IGSF21: variants seen among roughly 807,000 people sequenced by gnomAD.
IGSF21 encodes the protein immunoglobin superfamily member 21, also known as immunoglobulin superfamily member 21.
IGSF21 carries 28 observed loss-of-function variants against 46.8 expected under a neutral mutation model. That is an observed-to-expected ratio of 0.60 (90% CI 0.44 to 0.82). IGSF21 has a LOEUF of 0.82. Among genes scored for constraint, IGSF21 ranks in the 40% least tolerant of loss-of-function variants. IGSF21 has a pLI of 0.00. For missense variants in IGSF21, 624 were observed against 665.5 expected (o/e 0.94, Z 0.69); for synonymous variants, 284 against 273.6 (o/e 1.04, Z -0.38).
chr1:18,194,354 A>T (rs1175114582), intron 1 of IGSF21, among the ~76,000 whole-genome samples: 1 of 152,206 alleles, frequency 6.6e-6, no homozygotes, highest in African/African-American at 2.4e-5. Flanking sequence ...GGGTGCTATG[A>T]CAAATGATCA....
In IGSF21 at chr1:18,343,926, G is replaced by A. The variant is rs190079737; in HGVS notation, c.424+8916G>A. On this transcript the variant is annotated intron_variant, in intron 4 of 9. Coordinates refer to ENST00000251296, the MANE Select transcript of IGSF21 (RefSeq NM_032880.5). ...AGGAAGCTCTCCTGTTCAGTTTCTC[G>A]ACCTTTCCCCTTAAAAGAAACTTAC... is the stretch of plus-strand genomic sequence containing the variant. Among the ~76,000 whole-genome samples, 38 of 152,184 alleles carry A rather than the reference G, an allele frequency of 2.5e-4. 1 individual carries two copies. The highest frequency in any genetic ancestry group is 2.6e-4 in the African/African-American group (11 of 41,512).
intron 1 of IGSF21, among the ~76,000 whole-genome samples, chr1:18,125,983 C>A (rs1001825368): frequency 3.9e-5 from 6 of 152,114 alleles, no homozygotes; most frequent in African/African-American, 1.4e-4. Context: ...TAGTAGTGAC[C>A]AGGGGAGGCT....
At chr1:18,300,328 C>T (rs1277115578) in intron 3 of IGSF21, among the ~76,000 whole-genome samples, 1 of 152,208 alleles carries the variant, frequency 6.6e-6, no homozygotes, top group Non-Finnish European at 1.5e-5. Context: ...CAATCCCATC[C>T]ACCTGCTCGG....
intron 2 of IGSF21, among the ~76,000 whole-genome samples, chr1:18,287,162 C>T (rs2085220270): frequency 7.4e-6 from 1 of 135,368 alleles, no homozygotes; most frequent in Non-Finnish European, 1.6e-5. Flanking sequence ...GCCTGGGCGA[C>T]AGAGCGAGAC....
intron 1 of IGSF21, among the ~76,000 whole-genome samples, chr1:18,118,547 T>C (rs1186497633): frequency 6.6e-6 from 1 of 152,208 alleles, no homozygotes; most frequent in African/African-American, 2.4e-5. Flanking sequence ...GATGAGTTGC[T>C]AATTGTTACC....
At chr1:18,203,566 C>T (rs1241413921) in intron 1 of IGSF21, among the ~76,000 whole-genome samples, 1 of 152,316 alleles carries the variant, frequency 6.6e-6, no homozygotes, top group East Asian at 1.9e-4. Context: ...GCCTCAGCTT[C>T]CCAAAGTGCT....
In IGSF21 at chr1:18,376,949, C is replaced by T. The variant is rs748396762; in HGVS notation, c.1251C>T (p.Asn417=). 5 of 1,605,312 alleles carry T rather than the reference C, an allele frequency of 3.1e-6. No individual in the cohort carries two copies. The Admixed American group carries it at 6.7e-5, about 21-fold the overall frequency. ...NGSMYRCTAQ[N]PLGSTDTHTR... is the part of the protein sequence containing the mutation. ...CCATGTATCGCTGCACCGCCCAGAA[C>T]CCACTGGGCTCCACCGACACGCACA... Residue 417 remains asparagine, a synonymous_variant, in exon 8 of 10, where the codon AAC becomes AAT. Coordinates refer to ENST00000251296, the MANE Select transcript of IGSF21 (RefSeq NM_032880.5).
At chr1:18,235,283 T>C (rs2084662545) in intron 2 of IGSF21, among the ~76,000 whole-genome samples, 1 of 152,172 alleles carries the variant, frequency 6.6e-6, no homozygotes, top group East Asian at 1.9e-4. Flanking sequence ...ATTCAACACA[T>C]ATTTATGAAA....
chr1:18,218,520 A>C (rs79452125), intron 1 of IGSF21, among the ~76,000 whole-genome samples: 1 of 152,370 alleles, frequency 6.6e-6, no homozygotes, highest in East Asian at 1.9e-4. Context: ...TATAAAACCT[A>C]GGCAGAATAT....
intron 4 of IGSF21, among the ~76,000 whole-genome samples, chr1:18,351,137 C>T (rs1325531937): frequency 6.6e-6 from 1 of 152,124 alleles, no homozygotes; most frequent in Non-Finnish European, 1.5e-5. Flanking sequence ...CACGGCAACG[C>T]TGAGACGGAA....
intron 1 of IGSF21, among the ~76,000 whole-genome samples, chr1:18,188,915 G>A (rs1385697359): frequency 6.6e-6 from 1 of 152,234 alleles, no homozygotes. Flanking sequence ...CTGACTTGCG[G>A]TGCTAGGGCA....
chr1:18,261,482 G>A (rs145571741), intron 2 of IGSF21, among the ~76,000 whole-genome samples: 65 of 152,318 alleles, frequency 4.3e-4, no homozygotes, highest in East Asian at 3.5e-3. Context: ...GCCCCCTTCC[G>A]TGGCAATGAC....
At chr1:18,205,921 C>T (rs2084314963) in intron 1 of IGSF21, among the ~76,000 whole-genome samples, 1 of 152,192 alleles carries the variant, frequency 6.6e-6, no homozygotes, top group Admixed American at 6.5e-5. Flanking sequence ...CAGTAGAAAG[C>T]ACTTAACACT....
In IGSF21 at chr1:18,335,983, C is replaced by T. The variant is rs772338802; in HGVS notation, c.424+973C>T. ...GCTCCTCTGATAAAGGAACTAGCAG[C>T]GTTTGGGTGCCTGGCCCTGGGTTGG... On this transcript the variant is annotated intron_variant, in intron 4 of 9. Coordinates refer to ENST00000251296, the MANE Select transcript of IGSF21 (RefSeq NM_032880.5). This position sits in a 1 kb window ranked among gnomAD's most constrained non-coding sequence, Gnocchi z 4.8. 1.3e-4 allele frequency among the ~76,000 whole-genome samples: 20 copies of T among 152,148 alleles called. No homozygotes were observed. Among genetic ancestry groups the T allele is most frequent in the South Asian group, 4.1e-4 (2 of 4,820 alleles).
In IGSF21 at chr1:18,365,489, C is replaced by T. The variant is rs192119617; in HGVS notation, c.807C>T (p.Val269=). 6 of 1,614,056 alleles carry T rather than the reference C, an allele frequency of 3.7e-6. No homozygotes were observed. The highest frequency in any genetic ancestry group is 2.2e-5 in the South Asian group (2 of 91,050). ...QPTTENIPET[V]VSREFPRWVH... ...CCACAGAGAACATACCAGAGACGGT[C>T]GTGAGCCGTGAGTTTCCCCGCTGGG... Residue 269 remains valine, a synonymous_variant, in exon 6 of 10, where the codon GTC becomes GTT. Transcript: ENST00000251296. This position sits in a 1 kb window ranked among gnomAD's most constrained non-coding sequence, Gnocchi z 4.8.
chr1:18,176,615 C>A (rs567154444), intron 1 of IGSF21, among the ~76,000 whole-genome samples: 1,586 of 152,286 alleles, frequency 0.01, 30 homozygotes, highest in African/African-American at 0.037. Context: ...GTGCCGTTTT[C>A]ACTAACTGGT....
chr1:18,133,993 A>G, intron 1 of IGSF21, among the ~76,000 whole-genome samples: 1 of 152,232 alleles, frequency 6.6e-6, no homozygotes, highest in Middle Eastern at 3.2e-3. Context: ...AGAGATCTTT[A>G]TCAAGTTTTG....
intron 2 of IGSF21, among the ~76,000 whole-genome samples, chr1:18,248,692 C>T (rs977738970): frequency 1.3e-5 from 2 of 152,190 alleles, no homozygotes; most frequent in Non-Finnish European, 2.9e-5. Flanking sequence ...TCCTTCATTC[C>T]TCCAACATTC....
At chr1:18,305,760 A>G (rs1272327439) in intron 3 of IGSF21, among the ~76,000 whole-genome samples, 1 of 152,246 alleles carries the variant, frequency 6.6e-6, no homozygotes, top group Non-Finnish European at 1.5e-5. Context: ...CAAAATATGT[A>G]CCATTGCCTC....
Sources: gnomAD v4.1 joint callset for allele counts (sites outside exome capture counted in the v4.1 genomes callset) on GRCh38, gnomAD v4.1.1 for gene constraint, Gnocchi (gnomAD v3.1) non-coding constraint, MANE v1.5 for transcripts, NCBI Gene and HGNC (gene_info 2026-07-23, HGNC 2026-07-21) for gene names.